The following FBN3 variants were observed in gnomAD, a reference collection of about 807,000 sequenced individuals.
The protein encoded by FBN3 is fibrillin 3.
Under a neutral mutation model 330.1 loss-of-function variants are expected in FBN3, and 234 were observed. The observed-to-expected ratio is 0.71, with a 90% confidence interval of 0.64 to 0.79. The LOEUF is 0.79. Ranked by LOEUF, FBN3 falls within the 30% of genes least tolerant of loss-of-function variation. The pLI is 0.00. For synonymous variants in FBN3, 1,458 were observed against 1,517.3 expected (o/e 0.96, Z 0.91); for missense variants, 3,606 against 3,886.9 (o/e 0.93, Z 1.92).
rs1242453494 is a variant in FBN3, at chr19:8,085,373, A to G, written c.7077T>C (p.Ala2359=). The G allele has an allele frequency of 6.3e-7, 1 of 1,576,578 alleles. No homozygotes were observed. Among genetic ancestry groups the G allele is most frequent in the Non-Finnish European group, 8.6e-7 (1 of 1,164,982 alleles). ...KLCPHGSGYT[A]EGRDVDECRM... ...GGCATGGGCACCCACCTCGGCCCTC[A>G]GCAGTGTAGCCTGAGCCATGGGGGC... The change falls in exon 56 of 64, where the codon GCT becomes GCC. Residue 2359 remains alanine, a synonymous_variant. Transcript: ENST00000600128.
intron 25 of FBN3, 54 bp from the exon 26 acceptor site, chr19:8,119,076 G>A (rs1266255508): frequency 3.2e-6 from 5 of 1,549,742 alleles, no homozygotes; most frequent in South Asian, 1.2e-5. Flanking sequence ...ATGCAGGGAG[G>A]GGGTGATGAG....
chr19:8,145,005 C>T, intron 5 of FBN3, 33 bp from the exon 6 acceptor site: 2 of 1,563,484 alleles, frequency 1.3e-6, no homozygotes, highest in Non-Finnish European at 1.7e-6. Flanking sequence ...GCTGGAGGTC[C>T]CCCAGCAGCA....
intron 8 of FBN3, among the ~76,000 whole-genome samples, chr19:8,141,414 C>T (rs547231986): frequency 2.0e-5 from 3 of 151,440 alleles, no homozygotes; most frequent in South Asian, 2.1e-4. Context: ...AACAAGGGGT[C>T]TCTCTCCTAC....
In FBN3 at chr19:8,131,380, G is replaced by C. The variant is rs1415841395; in HGVS notation, c.1991-92C>G. The C allele has an allele frequency of 7.3e-6, 11 of 1,511,648 alleles. No individual in the cohort carries two copies. In the Admixed American group the frequency reaches 1.8e-4, roughly 25 times the overall value. 93.6% of individuals were successfully genotyped at this position (1,511,648 alleles called of 1,614,324 possible). ...CAAGGATGAGGCCCTCTGGTCTTGG[G>C]CAAGAGTTTGGGACTAAGACACAAC... is the stretch of plus-strand genomic sequence containing the variant. On this transcript the variant is annotated intron_variant, in intron 15 of 63. Coordinates refer to ENST00000600128, the MANE Select transcript of FBN3 (RefSeq NM_032447.5). This position sits in a 1 kb window ranked among gnomAD's most constrained non-coding sequence, Gnocchi z 4.5.
Position 8,121,387 on chromosome 19 carries a change from C to CT in FBN3, c.3083-2dup. The CT allele has an allele frequency of 6.4e-7, 1 of 1,573,230 alleles. No individual in the cohort carries two copies. Among genetic ancestry groups the CT allele is most frequent in the Non-Finnish European group, 8.6e-7 (1 of 1,165,844 alleles). On this transcript the variant is annotated splice_acceptor_variant, in intron 24 of 63. Coordinates refer to ENST00000600128, the MANE Select transcript of FBN3 (RefSeq NM_032447.5). LOFTEE classifies it high-confidence loss of function. This position sits in a 1 kb window ranked among gnomAD's most constrained non-coding sequence, Gnocchi z 4.5. ...GGAGAGATGCGACACTCGTCGATAT[C>CT]TGTGGGGAGAGGGGGCAGAGGCCGG...
At chr19:8,097,730 A>G (rs1400475565) in intron 41 of FBN3, among the ~76,000 whole-genome samples, 1 of 152,242 alleles carries the variant, frequency 6.6e-6, no homozygotes, top group African/African-American at 2.4e-5. Flanking sequence ...GATGCTATTT[A>G]GCAAGAAACT....
In FBN3 at chr19:8,123,967, C is replaced by T. The variant is rs769706501; in HGVS notation, c.2773G>A (p.Glu925Lys). Residue 925 changes from glutamate (E) to lysine (K), a missense_variant, in exon 23 of 64, where the codon GAG becomes AAG. By Grantham distance (56) the Glu-to-Lys change is moderately conservative. Coordinates refer to ENST00000600128, the MANE Select transcript of FBN3 (RefSeq NM_032447.5). Reference sequence around the variant, plus strand: ...TTGCCAGGCAGGGTGACCCCACACTCATCCTCATCCCATCGCAGGAAACAT... The same window carrying T: ...TTGCCAGGCAGGGTGACCCCACACTTATCCTCATCCCATCGCAGGAAACAT... ...EPCFLRWDED[E>K]CGVTLPGKYR... 3 of 1,614,138 alleles carry T rather than the reference C, an allele frequency of 1.9e-6. No individual in the cohort carries two copies. Among genetic ancestry groups the T allele is most frequent in the Admixed American group, 1.7e-5 (1 of 60,010 alleles).
At chr19:8,085,047 A>C (rs374857703) in intron 56 of FBN3, among the ~76,000 whole-genome samples, 4 of 152,192 alleles carry the variant, frequency 2.6e-5, no homozygotes, top group African/African-American at 9.6e-5. Flanking sequence ...ACTGGGAGGC[A>C]GAGGTTGCAG....
At chr19:8,107,797 A>G (rs10411526) in intron 37 of FBN3, among the ~76,000 whole-genome samples, 57,021 of 147,052 alleles carry the variant, frequency 0.39, 11,599 homozygotes, top group African/African-American at 0.49. Context: ...ATGGATGGAA[A>G]AAATGGAAGG....
intron 29 of FBN3, 33 bp downstream of exon 29, chr19:8,116,641 C>T: frequency 1.3e-6 from 2 of 1,591,194 alleles, no homozygotes; most frequent in Non-Finnish European, 1.7e-6. Flanking sequence ...CTGCCTCCTC[C>T]ACCCGCCCCG....
At chr19:8,135,936 G>GGGGGGGGGCCCCCC in intron 13 of FBN3, 25 bp downstream of exon 13, 4 of 668,770 alleles carry the variant, frequency 6.0e-6, no homozygotes, top group Non-Finnish European at 9.6e-6. Flanking sequence ...GGAAGCCCCT[G>GGGGGGGGGCCCCCC]CCCACCCGCC....
chr19:8,091,685 GGT>G, intron 47 of FBN3, 95 bp from the exon 48 acceptor site: 4 of 1,403,718 alleles, frequency 2.8e-6, no homozygotes, highest in Non-Finnish European at 3.9e-6. Flanking sequence ...ATGGAGTGCA[GGT>G]CCAGCCAGGG....
chr19:8,139,457 C>T (rs928690920), intron 8 of FBN3, among the ~76,000 whole-genome samples: 1 of 152,154 alleles, frequency 6.6e-6, no homozygotes, highest in South Asian at 2.1e-4. Context: ...GTGAGCTCCC[C>T]GTCGCTGCAG....
At chr19:8,095,596 C>T (rs2144725420) in intron 45 of FBN3, 93 bp from the exon 46 acceptor site, 1 of 1,402,508 alleles carries the variant, frequency 7.1e-7, no homozygotes, top group Non-Finnish European at 9.8e-7. Flanking sequence ...GTTGAGCTGA[C>T]AGCATTGGCT....
At position 8,135,946 on chromosome 19, in the gene FBN3, C is replaced by CCCCCCCCCCA; in HGVS notation, c.1591+14_1591+15insTGGGGGGGGG. ...GGCCCGGAAGCCCCTGCCCACCCGC[C>CCCCCCCCCCA]CACCCCCAACTCACCCACACAGTTC... On this transcript the variant is annotated intron_variant, in intron 13 of 63. Transcript: ENST00000600128. 2.0e-6 allele frequency: 1 copy of CCCCCCCCCCA among 492,328 alleles called. No individual in the cohort carries two copies. The highest frequency in any genetic ancestry group is 4.0e-6 in the Non-Finnish European group (1 of 250,302). 30.5% of individuals were successfully genotyped at this position (492,328 alleles called of 1,614,324 possible). A position where few individuals can be genotyped will look rare whatever the true frequency, so the allele number is the denominator to read the frequency against.
At chr19:8,095,160 G>A (rs146716479) in intron 46 of FBN3, among the ~76,000 whole-genome samples, 2,133 of 151,938 alleles carry the variant, frequency 0.014, 49 homozygotes, top group African/African-American at 0.046. Context: ...TTGTAGAGAC[G>A]AGGACTCACT....
Position 8,089,539 on chromosome 19 carries a change from A to G in FBN3, c.6376+6T>C. ...GGACAGAGCTGGGGAAGGGCTGGCC[A>G]CTCACCCACACAGTTGATGCCAGTG... is the stretch of plus-strand genomic sequence containing the variant. On this transcript the variant is annotated splice_donor_region_variant and intron_variant, in intron 51 of 63. Transcript: ENST00000600128. The G allele has an allele frequency of 6.2e-7, 1 of 1,613,958 alleles. No individual in the cohort carries two copies. Among genetic ancestry groups the G allele is most frequent in the Non-Finnish European group, 8.5e-7 (1 of 1,179,924 alleles).
At chr19:8,070,742 G>A (rs1474682445) in intron 63 of FBN3, among the ~76,000 whole-genome samples, 1 of 152,126 alleles carries the variant, frequency 6.6e-6, no homozygotes, top group Non-Finnish European at 1.5e-5. Flanking sequence ...TGGCATCTAG[G>A]CTGGGTGCAG....
At chr19:8,135,936 G>GGGGGGGGGGCCCCCCCCCCCCCCCCCCCC in intron 13 of FBN3, 25 bp downstream of exon 13, 1 of 668,774 alleles carries the variant, frequency 1.5e-6, no homozygotes, top group Non-Finnish European at 2.4e-6. Context: ...GGAAGCCCCT[G>GGGGGGGGGGCCCCCCCCCCCCCCCCCCCC]CCCACCCGCC....
Sources: gnomAD v4.1 joint callset for allele counts (sites outside exome capture counted in the v4.1 genomes callset) on GRCh38, gnomAD v4.1.1 for gene constraint, Gnocchi (gnomAD v3.1) non-coding constraint, MANE v1.5 for transcripts, NCBI Gene and HGNC (gene_info 2026-07-23, HGNC 2026-07-21) for gene names.